Variants in FGGY observed in about 807,000 individuals in gnomAD.
FGGY encodes FGGY carbohydrate kinase domain-containing protein.
FGGY carries 72 observed loss-of-function variants against 71.3 expected under a neutral mutation model. The observed-to-expected ratio is 1.01, with a 90% CI of 0.84 to 1.23. The LOEUF (loss-of-function observed/expected upper bound fraction) is 1.23. Ranked by LOEUF, FGGY falls within the 50% of genes most tolerant of loss-of-function variation. The probability of loss-of-function intolerance (pLI) is 0.00; values close to 1 mark genes in which losing one functional copy is unlikely to be tolerated. For synonymous variants in FGGY, 251 were observed against 250.3 expected, an observed-to-expected ratio of 1.00 and a Z score of -0.02; for missense variants, 668 against 682.3, an observed-to-expected ratio of 0.98 and a Z score of 0.23.
intron 5 of FGGY, among the ~76,000 whole-genome samples, chr1:59,445,713 T>C (rs2071079015): frequency 1.3e-5 from 2 of 152,184 alleles, no homozygotes; most frequent in South Asian, 4.1e-4. Flanking sequence ...TTCCATCTGT[T>C]TTATTTTCAT....
At chr1:59,738,771 A>G (rs1280933517) in intron 14 of FGGY, among the ~76,000 whole-genome samples, 1 of 152,206 alleles carries the variant, frequency 6.6e-6, no homozygotes, top group Non-Finnish European at 1.5e-5. Flanking sequence ...TATAATCCTC[A>G]CAATTACCCA....
At chr1:59,492,653 A>G (rs1037698995) in intron 6 of FGGY, among the ~76,000 whole-genome samples, 1 of 152,092 alleles carries the variant, frequency 6.6e-6, no homozygotes, top group Non-Finnish European at 1.5e-5. Flanking sequence ...GCTGCCTGGT[A>G]TCCACTATCT....
chr1:59,536,614 C>T (rs2095322389), intron 7 of FGGY, among the ~76,000 whole-genome samples: 1 of 152,054 alleles, frequency 6.6e-6, no homozygotes, highest in South Asian at 2.1e-4. Flanking sequence ...AGCAGCACAT[C>T]AAAAAGCTTA....
intron 1 of FGGY, among the ~76,000 whole-genome samples, chr1:59,298,751 G>T (rs1409931835): frequency 1.3e-5 from 2 of 152,104 alleles, no homozygotes; most frequent in African/African-American, 2.4e-5. Context: ...ACCCCCAGGG[G>T]GATTTGAAAT....
chr1:59,471,947 A>C (rs1049255581), intron 6 of FGGY, among the ~76,000 whole-genome samples: 1 of 152,244 alleles, frequency 6.6e-6, no homozygotes, highest in African/African-American at 2.4e-5. Context: ...TTGGAGTGGT[A>C]GTGAGAAGTG....
At chr1:59,301,349 T>C (rs1260719823) in intron 1 of FGGY, among the ~76,000 whole-genome samples, 1 of 152,232 alleles carries the variant, frequency 6.6e-6, no homozygotes, top group East Asian at 1.9e-4. Flanking sequence ...CTAAGAGCAT[T>C]TTTGTAGATG....
At chr1:59,615,183 T>C (rs2096737862) in intron 9 of FGGY, among the ~76,000 whole-genome samples, 1 of 152,088 alleles carries the variant, frequency 6.6e-6, no homozygotes, top group Non-Finnish European at 1.5e-5. Context: ...AAAGAGCCCA[T>C]ATTGCCAAGT....
At chr1:59,746,327 C>T (rs1464444603) in intron 14 of FGGY, among the ~76,000 whole-genome samples, 2 of 152,124 alleles carry the variant, frequency 1.3e-5, no homozygotes, top group Admixed American at 1.3e-4. Flanking sequence ...CTGTTATCAC[C>T]TTCCCCAACC....
At chr1:59,395,206 T>C (rs901162165) in intron 5 of FGGY, among the ~76,000 whole-genome samples, 3 of 152,254 alleles carry the variant, frequency 2.0e-5, no homozygotes, top group Admixed American at 2.0e-4. Flanking sequence ...GTCTATTCAC[T>C]TTTATAACCC....
At chr1:59,753,467 AAT>A (rs57074120) in intron 14 of FGGY, among the ~76,000 whole-genome samples, 3,422 of 46,816 alleles carry the variant, frequency 0.073, 61 homozygotes, top group Non-Finnish European at 0.084. Context: ...CATAACTTTA[AAT>A]ATATATATAT....
intron 8 of FGGY, among the ~76,000 whole-genome samples, chr1:59,575,817 T>A (rs1345862733): frequency 5.9e-5 from 9 of 152,234 alleles, no homozygotes; most frequent in African/African-American, 2.2e-4. Flanking sequence ...AATGTTACAG[T>A]AATTTTTAGG....
At chr1:59,709,371 C>T (rs564298997) in intron 14 of FGGY, among the ~76,000 whole-genome samples, 1 of 152,068 alleles carries the variant, frequency 6.6e-6, no homozygotes, top group Admixed American at 6.5e-5. Context: ...GAAACCACCC[C>T]CATAATCCAA....
chr1:59,337,948 A>G (rs1418224643), intron 2 of FGGY, among the ~76,000 whole-genome samples: 1 of 152,208 alleles, frequency 6.6e-6, no homozygotes, highest in Non-Finnish European at 1.5e-5. Flanking sequence ...GATGGGGGAA[A>G]GCATTCATGT....
intron 8 of FGGY, among the ~76,000 whole-genome samples, chr1:59,554,669 GC>G (rs1217957240): frequency 1.3e-5 from 2 of 152,124 alleles, no homozygotes; most frequent in Admixed American, 6.5e-5. Context: ...TATAGAATTA[GC>G]CTGCGTATCA....
At chr1:59,622,173 T>G (rs193148364) in intron 9 of FGGY, among the ~76,000 whole-genome samples, 1 of 152,198 alleles carries the variant, frequency 6.6e-6, no homozygotes, top group East Asian at 1.9e-4. Context: ...TTTAATAGTT[T>G]GTTTCTTTGC....
chr1:59,676,744 T>A (rs1244422062), intron 14 of FGGY, among the ~76,000 whole-genome samples: 3 of 152,136 alleles, frequency 2.0e-5, no homozygotes, highest in Non-Finnish European at 4.4e-5. Flanking sequence ...AGCTCATGTC[T>A]CCTATTCAAC....
At chr1:59,687,707 A>G (rs1050737521) in intron 14 of FGGY, among the ~76,000 whole-genome samples, 10 of 150,584 alleles carry the variant, frequency 6.6e-5, no homozygotes, top group Non-Finnish European at 1.3e-4. Context: ...TGACCTCGTG[A>G]TCCACCCACC....
chr1:59,546,526 GATGATGATGATT>G lies in FGGY; in HGVS notation c.800-7595_800-7584del, dbSNP rs1310581986. On this transcript the variant is annotated intron_variant, in intron 7 of 15. Coordinates refer to ENST00000303721, the MANE Select transcript of FGGY (RefSeq NM_018291.5). Reference sequence around the variant, plus strand: ...TGATGATGATGATGATGATGATGATGATGATGATGATTATTATTATTATTATTTGAGACGGAG... The same window carrying G: ...TGATGATGATGATGATGATGATGATGATTATTATTATTATTTGAGACGGAG... Among the ~76,000 whole-genome samples, 64 of 89,188 alleles carry G rather than the reference GATGATGATGATT, an allele frequency of 7.2e-4. No individual in the cohort carries two copies. In the Middle Eastern group the frequency reaches 0.017, roughly 24 times the overall value. The allele number at this position is 89,188 out of a possible 152,430, so 58.5% of individuals were successfully genotyped here.
chr1:59,426,348 T>G (rs757470786), intron 5 of FGGY, among the ~76,000 whole-genome samples: 28 of 151,730 alleles, frequency 1.8e-4, no homozygotes, highest in Non-Finnish European at 3.4e-4. Flanking sequence ...GGAAGGCTTG[T>G]CATTAGGGTA....
Sources: gnomAD v4.1 joint callset for allele counts (sites outside exome capture counted in the v4.1 genomes callset) on GRCh38, gnomAD v4.1.1 for gene constraint, MANE v1.5 for transcripts, NCBI Gene and HGNC (gene_info 2026-07-23, HGNC 2026-07-21) for gene names.